PLD5: variants seen among roughly 807,000 people sequenced by gnomAD.
PLD5 encodes inactive phospholipase D5.
In PLD5, 36 loss-of-function variants were observed where a neutral mutation model predicts 61.1. That is an observed-to-expected ratio of 0.59 (90% CI 0.45 to 0.78). The LOEUF (loss-of-function observed/expected upper bound fraction) is 0.78. Among genes scored for constraint, PLD5 ranks in the 30% least tolerant of loss-of-function variants. The probability of loss-of-function intolerance (pLI) is 0.00; values close to 1 mark genes in which losing one functional copy is unlikely to be tolerated. For missense variants in PLD5, 515 were observed against 644.4 expected, an observed-to-expected ratio of 0.80 and a Z score of 2.17; for synonymous variants, 243 against 242.8, an observed-to-expected ratio of 1.00 and a Z score of -0.01.
At chr1:242,515,994 T>C (rs1669090265) in intron 1 of PLD5, among the ~76,000 whole-genome samples, 1 of 152,232 alleles carries the variant, frequency 6.6e-6, no homozygotes. Flanking sequence ...TTTCAGCCAT[T>C]CTTGTGTTTG....
chr1:242,105,054 T>G (rs926742725), intron 8 of PLD5, among the ~76,000 whole-genome samples: 1 of 152,074 alleles, frequency 6.6e-6, no homozygotes, highest in Admixed American at 6.5e-5. Flanking sequence ...GCAAGTAAAT[T>G]GGTATTGTAG....
At chr1:242,158,006 C>T (rs1325995827) in intron 5 of PLD5, among the ~76,000 whole-genome samples, 1 of 151,004 alleles carries the variant, frequency 6.6e-6, no homozygotes, top group Non-Finnish European at 1.5e-5. Context: ...AGATGCCCTT[C>T]CCAGAGGAGA....
At chr1:242,141,924 CT>C (rs1168850027) in intron 5 of PLD5, among the ~76,000 whole-genome samples, 1 of 152,180 alleles carries the variant, frequency 6.6e-6, no homozygotes, top group Non-Finnish European at 1.5e-5. Context: ...CAGATTTGAT[CT>C]TTCTTAGGTT....
At chr1:242,304,706 A>G (rs1440340261) in intron 2 of PLD5, among the ~76,000 whole-genome samples, 1 of 152,218 alleles carries the variant, frequency 6.6e-6, no homozygotes, top group Non-Finnish European at 1.5e-5. Context: ...TTTTCATTTT[A>G]TTATTTTCTT....
At chr1:242,422,933 C>T (rs1665227870) in intron 1 of PLD5, among the ~76,000 whole-genome samples, 1 of 151,526 alleles carries the variant, frequency 6.6e-6, no homozygotes, top group South Asian at 2.1e-4. Context: ...ACTGCAGTCT[C>T]CACCTCCTGG....
chr1:242,166,591 A>G (rs1338186389), intron 5 of PLD5, among the ~76,000 whole-genome samples: 1 of 152,254 alleles, frequency 6.6e-6, no homozygotes, highest in Non-Finnish European at 1.5e-5. Context: ...TTAAAAGTGA[A>G]TATGTCAAGG....
intron 1 of PLD5, among the ~76,000 whole-genome samples, chr1:242,397,485 A>C (rs1243073395): frequency 2.0e-5 from 3 of 148,500 alleles, no homozygotes; most frequent in African/African-American, 7.6e-5. Flanking sequence ...AATGTGAAGC[A>C]GCAAGCCGTA....
chr1:242,366,366 A>G (rs1661340052), intron 1 of PLD5, among the ~76,000 whole-genome samples: 1 of 152,182 alleles, frequency 6.6e-6, no homozygotes, highest in South Asian at 2.1e-4. Flanking sequence ...GAGATCTATC[A>G]TCAGTTACAC....
chr1:242,246,961 G>A (rs1672404853), intron 4 of PLD5, among the ~76,000 whole-genome samples: 1 of 151,474 alleles, frequency 6.6e-6, no homozygotes, highest in African/African-American at 2.4e-5. Flanking sequence ...GTCATAGGTG[G>A]GTTTTAGGGA....
intron 2 of PLD5, among the ~76,000 whole-genome samples, chr1:242,307,965 C>T (rs562712774): frequency 2.0e-5 from 3 of 152,232 alleles, no homozygotes; most frequent in East Asian, 1.9e-4. Flanking sequence ...TGGATTCTGA[C>T]ATATTTTAAA....
chr1:242,163,455 T>A (rs1295419600), intron 5 of PLD5, among the ~76,000 whole-genome samples: 1 of 152,180 alleles, frequency 6.6e-6, no homozygotes, highest in Non-Finnish European at 1.5e-5. Context: ...CCTCAAGTCT[T>A]AATTGCTGTC....
At position 242,089,913 on chromosome 1, in the gene PLD5, G is replaced by C; in HGVS notation, c.1552C>G (p.Pro518Ala). Residue 518 changes from proline (P) to alanine (A), a missense_variant, in exon 10 of 10, where the codon CCC (proline) becomes GCC (alanine). Physicochemically the swap from Pro to Ala is conservative, Grantham distance 27 (BLOSUM62 -1). Around this residue, in one of 2 missense-constraint regions of PLD5, gnomAD observed 450 missense variants for 598.1 expected, o/e 0.75. Coordinates refer to ENST00000536534, the MANE Select transcript of PLD5 (RefSeq NM_001372062.1). ...PNCSSLFKLK[P>A]LSNKTATDDT... Reference sequence around the variant, plus strand: ...TCTGTGGCAGTTTTGTTGGAGAGGGGTTTGAGTTTGAACAGGCTTGAGCAG... The same window carrying C: ...TCTGTGGCAGTTTTGTTGGAGAGGGCTTTGAGTTTGAACAGGCTTGAGCAG... 1.2e-6 allele frequency: 2 copies of C among 1,614,190 alleles called. No individual in the cohort carries two copies. The highest frequency in any genetic ancestry group is 1.7e-6 in the Non-Finnish European group (2 of 1,180,036).
chr1:242,456,605 A>G (rs1329554034), intron 1 of PLD5, among the ~76,000 whole-genome samples: 1 of 152,242 alleles, frequency 6.6e-6, no homozygotes, highest in African/African-American at 2.4e-5. Context: ...GATATTAGGC[A>G]TTATAAAAGG....
chr1:242,475,177 AG>A (rs747938846), intron 1 of PLD5, among the ~76,000 whole-genome samples: 14 of 152,232 alleles, frequency 9.2e-5, no homozygotes, highest in Non-Finnish European at 1.9e-4. Flanking sequence ...ATGTGCGTGT[AG>A]GCACACACAC....
At chr1:242,192,640 G>A (rs1171498143) in intron 5 of PLD5, among the ~76,000 whole-genome samples, 1 of 152,156 alleles carries the variant, frequency 6.6e-6, no homozygotes, top group African/African-American at 2.4e-5. Context: ...AAATGAGAAA[G>A]GATGGTAGTT....
intron 5 of PLD5, among the ~76,000 whole-genome samples, chr1:242,168,846 G>GTTGTTTTT (rs1553314393): frequency 1.8e-5 from 2 of 111,268 alleles, no homozygotes; most frequent in African/African-American, 7.5e-5. Context: ...AATTAATGAA[G>GTTGTTTTT]TTTTTTTTTT....
intron 3 of PLD5, among the ~76,000 whole-genome samples, chr1:242,276,108 C>T (rs1434537505): frequency 6.6e-6 from 1 of 151,894 alleles, no homozygotes; most frequent in African/African-American, 2.4e-5. Flanking sequence ...TCAGGCCAGG[C>T]AGGAGGATCA....
intron 2 of PLD5, among the ~76,000 whole-genome samples, chr1:242,304,910 C>T (rs1416608438): frequency 6.6e-6 from 1 of 152,090 alleles, no homozygotes; most frequent in African/African-American, 2.4e-5. Flanking sequence ...TCAAGACCAG[C>T]CTGGGCAACA....
At chr1:242,164,516 G>T (rs547312772) in intron 5 of PLD5, among the ~76,000 whole-genome samples, 1 of 152,210 alleles carries the variant, frequency 6.6e-6, no homozygotes, top group East Asian at 1.9e-4. Flanking sequence ...TGGAATTCAG[G>T]TCAAGAGCAA....
Sources: allele counts gnomAD v4.1 joint callset (sites outside exome capture counted in the v4.1 genomes callset), GRCh38; gene constraint gnomAD v4.1.1; regional missense constraint gnomAD v4.1.1; transcripts MANE v1.5; gene names NCBI Gene and HGNC (gene_info 2026-07-23, HGNC 2026-07-21).